DLGAP2: variants seen among roughly 807,000 people sequenced by gnomAD.
The protein encoded by DLGAP2 is DLG associated protein 2.
Under a neutral mutation model 100.3 loss-of-function variants are expected in DLGAP2, and 26 were observed. The observed-to-expected ratio is 0.26, with a 90% confidence interval of 0.19 to 0.36. DLGAP2 has a LOEUF of 0.36. DLGAP2 is among the 10% of genes least tolerant of loss of function. The probability of loss-of-function intolerance (pLI) is 1.00; values close to 1 mark genes in which losing one functional copy is unlikely to be tolerated. For missense variants in DLGAP2, 1,858 were observed against 1,453.2 expected (o/e 1.28, Z -4.53); for synonymous variants, 886 against 630.1 (o/e 1.41, Z -6.08).
chr8:1,150,491 G>T (rs889682115), intron 2 of DLGAP2, among the ~76,000 whole-genome samples: 1 of 152,194 alleles, frequency 6.6e-6, no homozygotes, highest in African/African-American at 2.4e-5. Context: ...TTCTATCTGG[G>T]AATGCAGGAC....
At chr8:1,506,501 T>G (rs1799921172) in intron 4 of DLGAP2, among the ~76,000 whole-genome samples, 1 of 152,080 alleles carries the variant, frequency 6.6e-6, no homozygotes, top group South Asian at 2.1e-4. Flanking sequence ...TCGCGGTGAG[T>G]GTTGCAGCTC....
intron 2 of DLGAP2, among the ~76,000 whole-genome samples, chr8:1,184,151 G>A (rs533828200): frequency 5.3e-5 from 8 of 152,308 alleles, no homozygotes; most frequent in South Asian, 4.1e-4. Context: ...GTTGCACAGC[G>A]GTCTCTTTTA....
intron 8 of DLGAP2, among the ~76,000 whole-genome samples, chr8:1,665,376 A>C (rs1466244243): frequency 6.6e-6 from 1 of 152,172 alleles, no homozygotes; most frequent in East Asian, 1.9e-4. Context: ...CTAACTGATT[A>C]CTTCCTCCCT....
chr8:1,445,830 C>T (rs1797971097), intron 3 of DLGAP2, among the ~76,000 whole-genome samples: 1 of 152,228 alleles, frequency 6.6e-6, no homozygotes, highest in South Asian at 2.1e-4. Flanking sequence ...TTGCATTTCT[C>T]TGATGGCCAG....
At chr8:1,178,888 C>A (rs551369492) in intron 2 of DLGAP2, among the ~76,000 whole-genome samples, 63 of 152,298 alleles carry the variant, frequency 4.1e-4, no homozygotes, top group African/African-American at 1.3e-3. Context: ...AGTTAGGAGC[C>A]CCCCTGCCCC....
intron 3 of DLGAP2, among the ~76,000 whole-genome samples, chr8:1,422,098 C>G (rs558148200): frequency 1.2e-4 from 19 of 152,310 alleles, no homozygotes; most frequent in Admixed American, 1.1e-3. Flanking sequence ...TCCATGGAAT[C>G]TCAGAGCACC....
rs1164536691 is a variant in DLGAP2, at chr8:1,704,563, CAT to C, written c.*3159_*3160del. 6.6e-6 allele frequency: 1 copy of C among 151,982 alleles called. No individual in the cohort carries two copies. The highest frequency in any genetic ancestry group is 1.5e-5 in the Non-Finnish European group (1 of 67,988). The allele number at this position is 151,982 out of a possible 1,614,324, so 9.4% of individuals were successfully genotyped here. On this transcript the variant is annotated 3_prime_UTR_variant, in exon 15 of 15. Coordinates refer to ENST00000637795, the MANE Select transcript of DLGAP2 (RefSeq NM_001346810.2). The stretch of plus-strand genomic sequence containing the variant: ...AGTTGTTATCGATGACAATTTTTAC[CAT>C]AGTTTTCTCAGCAAATTTATATCAC...
At position 1,352,740 on chromosome 8, in the gene DLGAP2, A is replaced by T. The variant is rs1353746996; in HGVS notation, c.106+93857A>T. Among the ~76,000 whole-genome samples, 7 of 152,098 alleles carry T rather than the reference A, an allele frequency of 4.6e-5. No homozygotes were observed. The East Asian group carries it at 1.2e-3, about 25-fold the overall frequency. On this transcript the variant is annotated intron_variant, in intron 3 of 14. Coordinates refer to ENST00000637795, the MANE Select transcript of DLGAP2 (RefSeq NM_001346810.2). ...GTTTTACAGCTCGCTGTGCCCTGCA[A>T]ATGCATTTCTCCTGCCTTTCTGAGG...
At chr8:1,021,269 A>G (rs1388374486) in intron 2 of DLGAP2, among the ~76,000 whole-genome samples, 1 of 152,218 alleles carries the variant, frequency 6.6e-6, no homozygotes, top group Non-Finnish European at 1.5e-5. Context: ...TTCCAGGTGT[A>G]CAGATTATAA....
At chr8:1,095,717 G>T (rs778221904) in intron 2 of DLGAP2, among the ~76,000 whole-genome samples, 2 of 152,196 alleles carry the variant, frequency 1.3e-5, no homozygotes, top group Non-Finnish European at 2.9e-5. Flanking sequence ...TGCTGGAGAA[G>T]AAAGCTCTAC....
At chr8:1,413,768 T>A (rs949721033) in intron 3 of DLGAP2, among the ~76,000 whole-genome samples, 3 of 152,230 alleles carry the variant, frequency 2.0e-5, no homozygotes, top group Non-Finnish European at 2.9e-5. Context: ...GATGATGGGG[T>A]TAGATTGTGC....
chr8:1,182,909 G>T lies in DLGAP2; in HGVS notation c.74-75942G>T, dbSNP rs558237860. 3.9e-5 allele frequency among the ~76,000 whole-genome samples: 6 copies of T among 152,310 alleles called. No individual in the cohort carries two copies. The East Asian group carries it at 1.2e-3, about 29-fold the overall frequency. ...GGGGCTCAGGGGCACTCAGGATGCA[G>T]TGAGCGCACAGCCCTGCGGTGGCAT... On this transcript the variant is annotated intron_variant, in intron 2 of 14. Transcript: ENST00000637795.
chr8:770,196 G>A (rs1240103357), intron 1 of DLGAP2, among the ~76,000 whole-genome samples: 1 of 152,138 alleles, frequency 6.6e-6, no homozygotes, highest in Non-Finnish European at 1.5e-5. Flanking sequence ...CAATTTGCCT[G>A]GAGTTGTGGA....
intron 3 of DLGAP2, among the ~76,000 whole-genome samples, chr8:1,283,768 A>C (rs747681187): frequency 1.3e-5 from 2 of 152,218 alleles, no homozygotes; most frequent in Non-Finnish European, 2.9e-5. Context: ...ATTCAGAAAA[A>C]GCTTCAAGTA....
intron 3 of DLGAP2, among the ~76,000 whole-genome samples, chr8:1,293,504 CAGG>C (rs1800105469): frequency 6.6e-6 from 1 of 152,214 alleles, no homozygotes. Flanking sequence ...ATTAATGGCA[CAGG>C]AGATTTTCCC....
intron 2 of DLGAP2, among the ~76,000 whole-genome samples, chr8:1,115,847 C>G (rs180754415): frequency 1.3e-5 from 2 of 152,304 alleles, no homozygotes; most frequent in Non-Finnish European, 2.9e-5. Flanking sequence ...TCTAGTCAGT[C>G]ATTTATCCCT....
chr8:1,364,376 G>C (rs1242378577), intron 3 of DLGAP2, among the ~76,000 whole-genome samples: 2 of 152,122 alleles, frequency 1.3e-5, no homozygotes, highest in African/African-American at 4.8e-5. Flanking sequence ...GCCACGTGCG[G>C]AATGAGGAGT....
At chr8:1,101,230 G>A (rs142206565) in intron 2 of DLGAP2, among the ~76,000 whole-genome samples, 1 of 152,170 alleles carries the variant, frequency 6.6e-6, no homozygotes, top group African/African-American at 2.4e-5. Context: ...ATGGAACTGG[G>A]AAAACAATTC....
chr8:1,668,823 T>C (rs1222779963), intron 9 of DLGAP2, 145 bp downstream of exon 9: 2 of 819,916 alleles, frequency 2.4e-6, no homozygotes, highest in African/African-American at 1.7e-5. Flanking sequence ...AGCAGGGCTG[T>C]GCGTTCGCCT....
Sources: gnomAD v4.1 joint callset for allele counts (sites outside exome capture counted in the v4.1 genomes callset) on GRCh38, gnomAD v4.1.1 for gene constraint, MANE v1.5 for transcripts, NCBI Gene and HGNC (gene_info 2026-07-23, HGNC 2026-07-21) for gene names.